PDE1C: variants seen among roughly 807,000 people sequenced by gnomAD.
PDE1C encodes phosphodiesterase 1C.
In PDE1C, 62 loss-of-function variants were observed where a neutral mutation model predicts 93.1. The observed-to-expected ratio is 0.67, with a 90% CI of 0.54 to 0.82. PDE1C has a LOEUF of 0.82. Among genes scored for constraint, PDE1C ranks in the 40% least tolerant of loss-of-function variants. PDE1C has a pLI of 0.00. For synonymous variants in PDE1C, 325 were observed against 310.1 expected, an observed-to-expected ratio of 1.05 and a Z score of -0.50; for missense variants, 742 against 884.6, an observed-to-expected ratio of 0.84 and a Z score of 2.04.
chr7:31,908,526 G>C (rs144957711), intron 2 of PDE1C, among the ~76,000 whole-genome samples: 19 of 152,254 alleles, frequency 1.2e-4, no homozygotes, highest in African/African-American at 3.9e-4. Context: ...ACTGTGCCAT[G>C]CCACATATAT....
intron 1 of PDE1C, among the ~76,000 whole-genome samples, chr7:32,282,485 A>ATAGATAG (rs1554300216): frequency 7.0e-6 from 1 of 143,860 alleles, no homozygotes; most frequent in Non-Finnish European, 1.5e-5. Context: ...TCAAAAAAAA[A>ATAGATAG]ATAGATAGAT....
chr7:31,878,105 T>C (rs1039287166), intron 4 of PDE1C, 69 bp from the exon 5 acceptor site: 1 of 1,050,122 alleles, frequency 9.5e-7, no homozygotes, highest in Admixed American at 1.9e-5. Context: ...CACAGACTCA[T>C]ACCAAGTATT....
At chr7:32,017,087 G>T (rs1788011826) in intron 2 of PDE1C, among the ~76,000 whole-genome samples, 4 of 152,132 alleles carry the variant, frequency 2.6e-5, no homozygotes, top group Admixed American at 2.6e-4. Context: ...GCTAAATGGA[G>T]ATCTTCTAGA....
At position 32,267,597 on chromosome 7, in the gene PDE1C, C is replaced by G. The variant is rs1810693158; in HGVS notation, c.85+31054G>C. 6.0e-5 allele frequency among the ~76,000 whole-genome samples: 4 copies of G among 66,348 alleles called. No individual in the cohort carries two copies. In the South Asian group the frequency reaches 2.3e-3, roughly 38 times the overall value. 43.5% of individuals were successfully genotyped at this position (66,348 alleles called of 152,430 possible). ...TCACACACACACACACTCTCTCTCT[C>G]TCTCTCTCTCTCTCTCTCTCTCTCT... On this transcript the variant is annotated intron_variant, in intron 1 of 18. Transcript: ENST00000396193.
At chr7:31,799,773 C>T (rs1339056605) in intron 16 of PDE1C, among the ~76,000 whole-genome samples, 1 of 151,618 alleles carries the variant, frequency 6.6e-6, no homozygotes, top group Non-Finnish European at 1.5e-5. Flanking sequence ...GGCTACCCTG[C>T]CTCCTCCATT....
chr7:31,865,163 G>C (rs1457149202), intron 6 of PDE1C, 81 bp from the exon 7 acceptor site: 1 of 1,444,372 alleles, frequency 6.9e-7, no homozygotes, highest in South Asian at 1.2e-5. Context: ...CACCAGGACT[G>C]CTTTTTCTCT....
intron 11 of PDE1C, among the ~76,000 whole-genome samples, chr7:31,829,525 C>A (rs1790112463): frequency 6.6e-6 from 1 of 152,070 alleles, no homozygotes; most frequent in African/African-American, 2.4e-5. Context: ...ATGATTCTTC[C>A]TTCTAAGGCA....
chr7:32,210,043 T>A (rs1252442705), intron 1 of PDE1C, among the ~76,000 whole-genome samples: 1 of 152,202 alleles, frequency 6.6e-6, no homozygotes, highest in Non-Finnish European at 1.5e-5. Flanking sequence ...TAAATTTAGA[T>A]GCTAACAAAC....
At chr7:31,985,506 T>C (rs1783262149) in intron 2 of PDE1C, among the ~76,000 whole-genome samples, 1 of 152,152 alleles carries the variant, frequency 6.6e-6, no homozygotes. Flanking sequence ...ATGTGCCATG[T>C]TGGTTTCCTG....
At position 31,893,509 on chromosome 7, in the gene PDE1C, C is replaced by G. The variant is rs572269119; in HGVS notation, c.129-12649G>C. ...GTCCCATCTCACTTGCCAGCACCAC[C>G]TCCCTTTCTTTGTAGATGAAGAATG... is the stretch of plus-strand genomic sequence containing the variant. On this transcript the variant is annotated intron_variant, in intron 2 of 17. Transcript: ENST00000396191. 2.6e-5 allele frequency: 26 copies of G among 984,434 alleles called. No homozygotes were observed. In the South Asian group the frequency reaches 9.9e-4, roughly 37 times the overall value. 61.0% of individuals were successfully genotyped at this position (984,434 alleles called of 1,614,324 possible).
intron 2 of PDE1C, among the ~76,000 whole-genome samples, chr7:31,988,654 T>C (rs1326225052): frequency 6.6e-6 from 1 of 152,114 alleles, no homozygotes; most frequent in Non-Finnish European, 1.5e-5. Context: ...GCCCAGGAGT[T>C]CCAGTTCAGC....
At chr7:31,809,486 C>A (rs1379862601) in intron 15 of PDE1C, among the ~76,000 whole-genome samples, 1 of 151,986 alleles carries the variant, frequency 6.6e-6, no homozygotes, top group East Asian at 1.9e-4. Context: ...TATGTTAATA[C>A]CTACCTTATA....
the PDE1C span, among the ~76,000 whole-genome samples, chr7:31,735,933 G>A: frequency 6.6e-6 from 1 of 152,150 alleles, no homozygotes; most frequent in African/African-American, 2.4e-5. Context: ...TATAACCTAT[G>A]CACATCCTCC....
intron 1 of PDE1C, among the ~76,000 whole-genome samples, chr7:32,327,765 G>A (rs1263151154): frequency 2.0e-5 from 1 of 49,678 alleles, no homozygotes; most frequent in Admixed American, 3.2e-4. Context: ...GCTAGACTCT[G>A]TCTCAAAAAA....
At chr7:31,714,705 G>A in the PDE1C span, among the ~76,000 whole-genome samples, 11 of 152,202 alleles carry the variant, frequency 7.2e-5, no homozygotes, top group African/African-American at 2.7e-4. Context: ...GATGGCCGCA[G>A]GCAAAGAGAA....
At position 31,865,245 on chromosome 7, in the gene PDE1C, T is replaced by C. The variant is rs76698249; in HGVS notation, c.610-163A>G. Among the ~76,000 whole-genome samples the C allele has an allele frequency of 1.5e-4, 23 of 152,344 alleles. 1 individual carries two copies. In the South Asian group the frequency reaches 4.8e-3, roughly 32 times the overall value. On this transcript the variant is annotated intron_variant, in intron 6 of 17. Coordinates refer to ENST00000396191, the MANE Select transcript of PDE1C (RefSeq NM_001191057.4). ...ATTACTGACAAAATTATCAGATAAT[T>C]TGAAAATCTAACAGGAAGTCCTTGG...
At chr7:32,376,190 CA>C (rs1431396341) in intron 1 of PDE1C, among the ~76,000 whole-genome samples, 115 of 152,052 alleles carry the variant, frequency 7.6e-4, no homozygotes, top group African/African-American at 2.7e-3. Flanking sequence ...GAAAAATTCA[CA>C]ACCAATCCTA....
At chr7:32,293,931 A>G (rs1812484239) in intron 1 of PDE1C, among the ~76,000 whole-genome samples, 1 of 152,104 alleles carries the variant, frequency 6.6e-6, no homozygotes, top group African/African-American at 2.4e-5. Flanking sequence ...CAGCTGAGAG[A>G]GCACAGAGAC....
chr7:31,764,683 T>G (rs1396170597), intron 17 of PDE1C, among the ~76,000 whole-genome samples: 1 of 152,212 alleles, frequency 6.6e-6, no homozygotes, highest in Non-Finnish European at 1.5e-5. Flanking sequence ...GAGCCAGTGA[T>G]TCCCTGGATT....
Sources: allele counts gnomAD v4.1 joint callset (sites outside exome capture counted in the v4.1 genomes callset), GRCh38; gene constraint gnomAD v4.1.1; transcripts MANE v1.5; gene names NCBI Gene and HGNC (gene_info 2026-07-23, HGNC 2026-07-21).